LGI3: variants seen among roughly 807,000 people sequenced by gnomAD.
The protein encoded by LGI3 is leucine rich repeat LGI family member 3.
Under a neutral mutation model 55.4 loss-of-function variants are expected in LGI3, and 47 were observed. The ratio of observed to expected loss-of-function variants is 0.85; its 90% CI spans 0.67 to 1.08. The LOEUF (loss-of-function observed/expected upper bound fraction) is 1.08, where lower values mean the gene tolerates loss of function less well. Ranked by LOEUF, LGI3 falls within the 50% of genes least tolerant of loss-of-function variation. The pLI, the probability that LGI3 is intolerant of heterozygous loss-of-function variation, is 0.00. For synonymous variants in LGI3, 326 were observed against 315.0 expected (o/e 1.04, Z -0.37); for missense variants, 664 against 726.3 (o/e 0.91, Z 0.99).
Position 22,154,135 on chromosome 8 carries a change from T to G in LGI3, c.422+7A>C. The G allele has an allele frequency of 6.2e-7, 1 of 1,612,166 alleles. No individual in the cohort carries two copies. The highest frequency in any genetic ancestry group is 8.5e-7 in the Non-Finnish European group (1 of 1,178,196). ...TGGTGCAGTGTGTGTATGTGTGACG[T>G]ACTCACAGGTGAGTCAAGGACTTGA... On this transcript the variant is annotated splice_region_variant and intron_variant, in intron 4 of 7. Transcript: ENST00000306317.
intron 6 of LGI3, 44 bp from the exon 7 acceptor site, chr8:22,151,697 G>A: frequency 1.9e-6 from 3 of 1,602,228 alleles, no homozygotes; most frequent in African/African-American, 1.3e-5. Context: ...AGGGAGAAGG[G>A]AAGGGCTGCT....
chr8:22,154,476 C>G (rs28539868), intron 3 of LGI3, 84 bp downstream of exon 3: 1 of 1,206,652 alleles, frequency 8.3e-7, no homozygotes, highest in Non-Finnish European at 1.2e-6. Context: ...CATTCTCATC[C>G]ACTCCCTACC....
intron 1 of LGI3, among the ~76,000 whole-genome samples, chr8:22,155,719 C>G (rs992630883): frequency 5.3e-5 from 8 of 152,250 alleles, no homozygotes; most frequent in African/African-American, 1.7e-4. Context: ...AGAAAAGGTT[C>G]CATCACCCAC....
In LGI3 at chr8:22,147,929, A is replaced by C; in HGVS notation, c.*231T>G. ...GGGGCCTGCAGTTGGGGTCACGGGAACTGGGCGTTAGGTGTCCCAGGGGTG... is the reference window on the plus strand; with the variant it reads ...GGGGCCTGCAGTTGGGGTCACGGGACCTGGGCGTTAGGTGTCCCAGGGGTG... On this transcript the variant is annotated 3_prime_UTR_variant, in exon 8 of 8. Coordinates refer to ENST00000306317, the MANE Select transcript of LGI3 (RefSeq NM_139278.4). 7 of 508,408 alleles carry C rather than the reference A, an allele frequency of 1.4e-5. No individual in the cohort carries two copies. Among genetic ancestry groups the C allele is most frequent in the Admixed American group, 3.8e-5 (1 of 26,444 alleles). 31.5% of individuals were successfully genotyped at this position (508,408 alleles called of 1,614,324 possible).
intron 1 of LGI3, 134 bp from the exon 2 acceptor site, chr8:22,155,597 ATCTGTGTG>A: frequency 1.4e-6 from 1 of 731,452 alleles, no homozygotes; most frequent in Non-Finnish European, 2.4e-6. Context: ...TTTAGCCCCC[ATCTGTGTG>A]TCTTTCCCTT....
chr8:22,154,298 C>T (rs1461221566), intron 3 of LGI3, 85 bp from the exon 4 acceptor site: 3 of 1,146,406 alleles, frequency 2.6e-6, no homozygotes, highest in African/African-American at 1.5e-5. Flanking sequence ...GCCTAGATTT[C>T]AGCCCGTGTC....
Position 22,148,080 on chromosome 8 carries a change from A to G in LGI3, c.*80T>C. The G allele has an allele frequency of 8.1e-7, 1 of 1,239,128 alleles. No individual in the cohort carries two copies. Among genetic ancestry groups the G allele is most frequent in the Non-Finnish European group, 1.1e-6 (1 of 890,816 alleles). 76.8% of individuals were successfully genotyped at this position (1,239,128 alleles called of 1,614,324 possible). On this transcript the variant is annotated 3_prime_UTR_variant, in exon 8 of 8. Coordinates refer to ENST00000306317, the MANE Select transcript of LGI3 (RefSeq NM_139278.4). This position sits in a 1 kb window ranked among gnomAD's most constrained non-coding sequence, Gnocchi z 7.0. ...ATGCAGGTTGGTCGCTTGTCTTCAC[A>G]CAGGCATACGTGGTGCTCACAGAGG...
chr8:22,152,067 G>A, intron 5 of LGI3, 67 bp from the exon 6 acceptor site: 2 of 1,349,116 alleles, frequency 1.5e-6, no homozygotes, highest in East Asian at 4.8e-5. Context: ...GCCTACCCAG[G>A]CCCTCCAGGT....
At chr8:22,154,271 A>G in intron 3 of LGI3, 58 bp from the exon 4 acceptor site, 1 of 1,386,776 alleles carries the variant, frequency 7.2e-7, no homozygotes, top group Non-Finnish European at 1.0e-6. Context: ...CCCCAGCAGC[A>G]CTCGCCCTAC....
In LGI3 at chr8:22,148,883, C is replaced by A; in HGVS notation, c.924G>T (p.Trp308Cys). The stretch of plus-strand genomic sequence containing the variant: ...TGGTGAAGCGCGTGGTGTTGGGATC[C>A]CAGTGGTAAATGTAAGAGCCGCCAA... ...QLFGGSYIYH[W>C]DPNTTRFTRL... Residue 308 changes from tryptophan to cysteine, a missense_variant, in exon 8 of 8, where the codon TGG becomes TGT. Coordinates refer to ENST00000306317, the MANE Select transcript of LGI3 (RefSeq NM_139278.4). The surrounding 1 kb of genome is among the most constrained non-coding windows in gnomAD (Gnocchi z 7.0). The A allele has an allele frequency of 6.2e-7, 1 of 1,614,142 alleles. No individual in the cohort carries two copies. Among genetic ancestry groups the A allele is most frequent in the South Asian group, 1.1e-5 (1 of 91,076 alleles).
chr8:22,153,275 G>T (rs944381825), intron 5 of LGI3, among the ~76,000 whole-genome samples: 1 of 150,850 alleles, frequency 6.6e-6, no homozygotes, highest in African/African-American at 2.4e-5. Context: ...AGTACAGACG[G>T]CGTTTCACCA....
At chr8:22,151,366 T>G in intron 7 of LGI3, 123 bp downstream of exon 7, 1 of 915,118 alleles carries the variant, frequency 1.1e-6, no homozygotes, top group Non-Finnish European at 1.7e-6. Context: ...TGGAAAGTTC[T>G]TGTGGGCAGA....
At position 22,148,663 on chromosome 8, in the gene LGI3, C is replaced by A; in HGVS notation, c.1144G>T (p.Val382Leu). ...PWHRDTDLEF[V>L]DGEGKPRLIV... ...AGCCGTGGCTTGCCCTCGCCGTCCA[C>A]AAACTCCAGGTCGGTGTCACGGTGC... The change falls in exon 8 of 8, where the codon GTG becomes TTG. Residue 382 changes from valine (V) to leucine (L), a missense_variant. Coordinates refer to ENST00000306317, the MANE Select transcript of LGI3 (RefSeq NM_139278.4). The surrounding 1 kb of genome is among the most constrained non-coding windows in gnomAD (Gnocchi z 7.0). 6.2e-7 allele frequency: 1 copy of A among 1,614,090 alleles called. No homozygotes were observed. Among genetic ancestry groups the A allele is most frequent in the Non-Finnish European group, 8.5e-7 (1 of 1,180,022 alleles).
intron 1 of LGI3, 137 bp downstream of exon 1, chr8:22,156,200 C>G: frequency 1.1e-6 from 1 of 917,350 alleles, no homozygotes; most frequent in Non-Finnish European, 1.7e-6. Context: ...CCTGGAATCT[C>G]CAGCCCTGAG....
rs372917381 is a variant in LGI3 at position 22,151,835 on chromosome 8, G to A, written c.660C>T (p.Thr220=). The A allele has an allele frequency of 3.1e-5, 50 of 1,607,458 alleles. No homozygotes were observed. Among genetic ancestry groups the A allele is most frequent in the Non-Finnish European group, 3.9e-5 (46 of 1,176,302 alleles). ...DLPLREFDCI[T]TDFVLYQTLA... ...CAAGGCAGGGGCACCTCCTACCTGT[G>A]GTGATGCAATCGAACTCCCGCAGCG... Residue 220 remains threonine (T), a synonymous_variant, in exon 6 of 8, where the codon ACC becomes ACT. Coordinates refer to ENST00000306317, the MANE Select transcript of LGI3 (RefSeq NM_139278.4).
chr8:22,156,216 C>A (rs1827495164), intron 1 of LGI3, 121 bp downstream of exon 1: 2 of 1,099,874 alleles, frequency 1.8e-6, no homozygotes, highest in Non-Finnish European at 2.7e-6. Flanking sequence ...CTGAGGACCC[C>A]TGCAGTCCCC....
At chr8:22,155,505 C>G in intron 1 of LGI3, 42 bp from the exon 2 acceptor site, 1 of 1,553,570 alleles carries the variant, frequency 6.4e-7, no homozygotes, top group Non-Finnish European at 8.9e-7. Context: ...TCTGCAAGGG[C>G]TGTGCTGAGG....
chr8:22,154,451 C>T, intron 3 of LGI3, 109 bp downstream of exon 3: 6 of 1,008,224 alleles, frequency 6.0e-6, no homozygotes, highest in South Asian at 1.3e-5. Flanking sequence ...CTCCCATCAC[C>T]TTCCCTTCCT....
At position 22,151,834 on chromosome 8, in the gene LGI3, T is replaced by A. The variant is rs754701664; in HGVS notation, c.661A>T (p.Thr221Ser). 6.2e-7 allele frequency: 1 copy of A among 1,607,288 alleles called. No homozygotes were observed. The part of the protein sequence containing the change: ...LPLREFDCIT[T>S]DFVLYQTLAF... ...CCAAGGCAGGGGCACCTCCTACCTGTGGTGATGCAATCGAACTCCCGCAGC... is the reference window on the plus strand; with the variant it reads ...CCAAGGCAGGGGCACCTCCTACCTGAGGTGATGCAATCGAACTCCCGCAGC... Residue 221 changes from threonine (T) to serine (S), a missense_variant, in exon 6 of 8, where the codon ACA (threonine) becomes TCA (serine). By Grantham distance (58) the Thr-to-Ser change is moderately conservative. Transcript: ENST00000306317.
Sources: gnomAD v4.1 joint callset for allele counts (sites outside exome capture counted in the v4.1 genomes callset) on GRCh38, gnomAD v4.1.1 for gene constraint, Gnocchi (gnomAD v3.1) non-coding constraint, MANE v1.5 for transcripts, NCBI Gene and HGNC (gene_info 2026-07-23, HGNC 2026-07-21) for gene names.